The following KANK2 variants were observed in gnomAD, a reference collection of about 807,000 sequenced individuals.
KANK2 encodes KN motif and ankyrin repeat domain-containing protein 2.
A neutral mutation model predicts 74.6 loss-of-function variants in KANK2; 41 were observed. The observed-to-expected ratio is 0.55, with a 90% CI of 0.43 to 0.71. The LOEUF (loss-of-function observed/expected upper bound fraction) is 0.71. KANK2 is among the 30% of genes least tolerant of loss of function. KANK2 has a pLI of 0.00. For synonymous variants in KANK2, 537 were observed against 519.0 expected (o/e 1.03, Z -0.47); for missense variants, 1,148 against 1,196.4 (o/e 0.96, Z 0.60).
chr19:11,194,750 C>CG, intron 2 of KANK2, 160 bp from the exon 3 acceptor site: 1 of 472,112 alleles, frequency 2.1e-6, no homozygotes, highest in Non-Finnish European at 3.9e-6. Flanking sequence ...GGGCCCCCCC[C>CG]GACCCCCTCC....
rs2078031501 is a variant in KANK2, at chr19:11,166,701, G to A, written c.2503-90C>T. On this transcript the variant is annotated intron_variant, in intron 12 of 12. Coordinates refer to ENST00000586659, the MANE Select transcript of KANK2 (RefSeq NM_001136191.3). ...GGTGGCTGGCCTGGTAGATATGATGGGTAAGCAGGAGGGAGGCGTGGCCCC... is the reference window on the plus strand; with the variant it reads ...GGTGGCTGGCCTGGTAGATATGATGAGTAAGCAGGAGGGAGGCGTGGCCCC... 3.9e-6 allele frequency: 5 copies of A among 1,278,004 alleles called. No homozygotes were observed. The Admixed American group carries it at 8.7e-5, about 22-fold the overall frequency. The allele number at this position is 1,278,004 out of a possible 1,614,324, so 79.2% of individuals were successfully genotyped here. A position where few individuals can be genotyped will look rare whatever the true frequency, so the allele number is the denominator to read the frequency against.
chr19:11,178,582 G>A lies in KANK2; in HGVS notation c.1388C>T (p.Ser463Phe). Residue 463 changes from serine (S) to phenylalanine (F), a missense_variant, in exon 5 of 13, where the codon TCC (serine) becomes TTC (phenylalanine). Coordinates refer to ENST00000586659, the MANE Select transcript of KANK2 (RefSeq NM_001136191.3). ...THREPTRQAA[S>F]QESEEAGGTG... ...GCCCCCGGCCTCCTCGGACTCTTGG[G>A]AGGCTGCTTGCCTGGTGGGCTCCCT... 6.2e-7 allele frequency: 1 copy of A among 1,604,930 alleles called. No individual in the cohort carries two copies. Among genetic ancestry groups the A allele is most frequent in the Non-Finnish European group, 8.5e-7 (1 of 1,176,436 alleles).
At chr19:11,172,887 G>C (rs2078216742) in intron 10 of KANK2, 94 bp downstream of exon 10, 1 of 1,372,874 alleles carries the variant, frequency 7.3e-7, no homozygotes, top group African/African-American at 1.4e-5. Flanking sequence ...CAGGGCTCTG[G>C]AGTTAGACCA....
At chr19:11,191,623 C>T (rs916107335) in intron 4 of KANK2, among the ~76,000 whole-genome samples, 2 of 152,222 alleles carry the variant, frequency 1.3e-5, no homozygotes, top group African/African-American at 4.8e-5. Context: ...TACTGGTGCT[C>T]TTTGGATTAA....
At chr19:11,194,408 C>A in intron 3 of KANK2, 67 bp downstream of exon 3, 1 of 1,339,806 alleles carries the variant, frequency 7.5e-7, no homozygotes, top group South Asian at 1.2e-5. Flanking sequence ...GGCAAGGTCC[C>A]CAGCCCCCTC....
chr19:11,189,552 C>T (rs1026787748), intron 4 of KANK2, among the ~76,000 whole-genome samples: 9 of 126,804 alleles, frequency 7.1e-5, no homozygotes, highest in Admixed American at 2.0e-4. Flanking sequence ...TGCAGTGAGC[C>T]GAGATTGCAT....
intron 7 of KANK2, 113 bp downstream of exon 7, chr19:11,176,464 TA>T: frequency 8.2e-7 from 1 of 1,215,280 alleles, no homozygotes; most frequent in Non-Finnish European, 1.1e-6. Context: ...TAATTCAGAC[TA>T]AAGTGTGCAT....
chr19:11,193,108 C>T lies in KANK2; in HGVS notation c.972G>A (p.Pro324=), dbSNP rs115571447. ...CCACCCGGACTGTATCCACGCGGAC[C>T]GGGCTGTCCGGCGGTGGCCAGGCCT... The part of the protein sequence containing the change: ...QPQAWPPPDS[P]VRVDTVRVVE... Residue 324 remains proline, a synonymous_variant, in exon 4 of 13, where the codon CCG becomes CCA. Transcript: ENST00000586659. This position sits in a 1 kb window ranked among gnomAD's most constrained non-coding sequence, Gnocchi z 9.6. 992 of 1,605,560 alleles carry T rather than the reference C, an allele frequency of 6.2e-4. 5 individuals carry two copies. In the African/African-American group the frequency reaches 0.011, roughly 17 times the overall value.
At position 11,192,898 on chromosome 19, in the gene KANK2, T is replaced by C. The variant is rs1182111014; in HGVS notation, c.1182A>G (p.Ala394=). 2 of 1,613,952 alleles carry C rather than the reference T, an allele frequency of 1.2e-6. No individual in the cohort carries two copies. The highest frequency in any genetic ancestry group is 1.7e-6 in the Non-Finnish European group (2 of 1,179,970). The change falls in exon 4 of 13, where the codon GCA becomes GCG. Residue 394 remains alanine, a synonymous_variant. Coordinates refer to ENST00000586659, the MANE Select transcript of KANK2 (RefSeq NM_001136191.3). ...VVETMCPVPA[A]ATSNVHMVKK... is the part of the protein sequence containing the mutation. ...TCACCATATGGACGTTGCTGGTAGC[T>C]GCAGCGGGCACTGGGCACATTGTCT... is the stretch of plus-strand genomic sequence containing the variant.
chr19:11,178,479 A>T, intron 5 of KANK2, 32 bp from the exon 6 acceptor site: 1 of 1,601,282 alleles, frequency 6.2e-7, no homozygotes, highest in Admixed American at 1.7e-5. Context: ...GTGCTGTGAG[A>T]GTCCTTCAGG....
At chr19:11,185,935 G>A (rs770234794) in intron 4 of KANK2, among the ~76,000 whole-genome samples, 1 of 152,208 alleles carries the variant, frequency 6.6e-6, no homozygotes, top group Non-Finnish European at 1.5e-5. Flanking sequence ...GGAGGCTGAG[G>A]TGGAGGGATC....
rs1334921299 is a variant in KANK2 at position 11,194,367 on chromosome 19, T to C, written c.37+108A>G. ...GCCTCCTCCCTCAGACCTCTAATTG[T>C]TGGGCTGTGTCCCACCCTCAAAGTC... On this transcript the variant is annotated intron_variant, in intron 3 of 12. Transcript: ENST00000586659. 28 of 864,256 alleles carry C rather than the reference T, an allele frequency of 3.2e-5. No individual in the cohort carries two copies. The East Asian group carries it at 6.5e-4, about 20-fold the overall frequency. 53.5% of individuals were successfully genotyped at this position (864,256 alleles called of 1,614,324 possible). A position where few individuals can be genotyped will look rare whatever the true frequency, so the allele number is the denominator to read the frequency against.
intron 4 of KANK2, among the ~76,000 whole-genome samples, chr19:11,185,051 G>A (rs2078637968): frequency 6.7e-6 from 1 of 148,368 alleles, no homozygotes. Flanking sequence ...CCTCAGTTGA[G>A]CCACCACGCC....
intron 9 of KANK2, 99 bp from the exon 10 acceptor site, chr19:11,173,222 C>T (rs893912974): frequency 6.3e-6 from 8 of 1,266,550 alleles, no homozygotes; most frequent in Non-Finnish European, 8.7e-6. Flanking sequence ...CTAGGCATGC[C>T]CTAATCCCTC....
chr19:11,174,388 G>A, intron 9 of KANK2, 85 bp downstream of exon 9: 1 of 1,081,086 alleles, frequency 9.2e-7, no homozygotes. Flanking sequence ...CCATCAGATG[G>A]GGAGGGCAGT....
intron 10 of KANK2, 27 bp downstream of exon 10, chr19:11,172,954 G>A (rs1050640382): frequency 1.2e-6 from 2 of 1,607,450 alleles, no homozygotes; most frequent in Admixed American, 1.7e-5. Flanking sequence ...GAGCCACCTG[G>A]ATCTGCAGCA....
chr19:11,179,685 C>T (rs1045384443), intron 4 of KANK2, among the ~76,000 whole-genome samples: 2 of 151,296 alleles, frequency 1.3e-5, no homozygotes, highest in Admixed American at 6.6e-5. Flanking sequence ...AAAAACGAAA[C>T]GAAACAAAAG....
chr19:11,186,182 GTT>G (rs2078670018), intron 4 of KANK2, among the ~76,000 whole-genome samples: 1 of 152,156 alleles, frequency 6.6e-6, no homozygotes, highest in Non-Finnish European at 1.5e-5. Context: ...AAGGATGAGA[GTT>G]TGAGACCAGC....
intron 4 of KANK2, among the ~76,000 whole-genome samples, chr19:11,179,297 C>T (rs1321030547): frequency 7.2e-6 from 1 of 139,766 alleles, no homozygotes; most frequent in African/African-American, 2.7e-5. Context: ...GCCTGGGCAA[C>T]AGAGCAAGAC....
Sources: allele counts gnomAD v4.1 joint callset (sites outside exome capture counted in the v4.1 genomes callset), GRCh38; gene constraint gnomAD v4.1.1; non-coding constraint Gnocchi (gnomAD v3.1); transcripts MANE v1.5; gene names NCBI Gene and HGNC (gene_info 2026-07-23, HGNC 2026-07-21).